The following OSTF1 variants were observed in gnomAD, a reference collection of about 807,000 sequenced individuals.
OSTF1 encodes osteoclast-stimulating factor 1.
OSTF1 carries 27 observed loss-of-function variants against 37.2 expected under a neutral mutation model. The observed-to-expected ratio is 0.73, with a 90% CI of 0.54 to 1.00. The LOEUF is 1.00. Among genes scored for constraint, OSTF1 ranks in the 50% least tolerant of loss-of-function variants. The pLI, the probability that OSTF1 is intolerant of heterozygous loss-of-function variation, is 0.00. For synonymous variants in OSTF1, 82 were observed against 89.2 expected (o/e 0.92, Z 0.46); for missense variants, 232 against 253.8 (o/e 0.91, Z 0.58).
chr9:75,136,623 T>C (rs1825847736), intron 7 of OSTF1, among the ~76,000 whole-genome samples: 2 of 152,076 alleles, frequency 1.3e-5, no homozygotes. Flanking sequence ...AACTCCTGAC[T>C]TCAGGTGATC....
intron 8 of OSTF1, among the ~76,000 whole-genome samples, chr9:75,138,558 A>G (rs1276389909): frequency 6.6e-6 from 1 of 152,226 alleles, no homozygotes; most frequent in East Asian, 1.9e-4. Context: ...GTAAAACATC[A>G]CAGTAATTTT....
rs999235494 is a variant in OSTF1, at chr9:75,131,572, A to G, written c.197-198A>G. Among the ~76,000 whole-genome samples, 2 of 152,300 alleles carry G rather than the reference A, an allele frequency of 1.3e-5. 1 individual carries two copies. The highest frequency in any genetic ancestry group is 6.8e-3 in the Middle Eastern group (2 of 294). ...CCTTATTGCTTGGCTTGGTTTCCCT[A>G]AACACATAATTCAGCTTCATTTAAT... On this transcript the variant is annotated intron_variant, in intron 4 of 9. Transcript: ENST00000346234.
In OSTF1 at chr9:75,137,661, A is replaced by C. The variant is rs373777903; in HGVS notation, c.487+45A>C. 1.8e-4 allele frequency: 212 copies of C among 1,183,010 alleles called. No homozygotes were observed. In the African/African-American group the frequency reaches 2.1e-3, roughly 11 times the overall value. The allele number at this position is 1,183,010 out of a possible 1,614,324, so 73.3% of individuals were successfully genotyped here. On this transcript the variant is annotated intron_variant, in intron 8 of 9. Transcript: ENST00000346234. ...TATCTGGTCTTTGCTTGCCCTGAAA[A>C]ATAGTCTATATCAACTTACGCCATT...
intron 9 of OSTF1, among the ~76,000 whole-genome samples, chr9:75,144,664 T>C (rs1825993224): frequency 6.6e-6 from 1 of 151,110 alleles, no homozygotes; most frequent in Non-Finnish European, 1.5e-5. Flanking sequence ...TCAATAATCA[T>C]TTTCCAAAAC....
intron 1 of OSTF1, among the ~76,000 whole-genome samples, chr9:75,112,762 G>C (rs770124425): frequency 6.6e-6 from 1 of 152,124 alleles, no homozygotes; most frequent in African/African-American, 2.4e-5. Flanking sequence ...CATTTAGTTC[G>C]CATGGGATCT....
chr9:75,105,783 G>T (rs1825273619), intron 1 of OSTF1, among the ~76,000 whole-genome samples: 1 of 152,150 alleles, frequency 6.6e-6, no homozygotes, highest in Non-Finnish European at 1.5e-5. Flanking sequence ...ACCCAGTGAA[G>T]ACAGTTGGCA....
chr9:75,133,788 CTA>C, intron 6 of OSTF1, among the ~76,000 whole-genome samples: 1 of 152,308 alleles, frequency 6.6e-6, no homozygotes, highest in African/African-American at 2.4e-5. Context: ...TTAATGCAAA[CTA>C]TTAGATTCAA....
chr9:75,146,612 A>T, intron 9 of OSTF1, 71 bp from the exon 10 acceptor site: 1 of 1,036,648 alleles, frequency 9.6e-7, no homozygotes, highest in Non-Finnish European at 1.5e-6. Flanking sequence ...AAGAGCTTTG[A>T]AAATGAAAAA....
chr9:75,121,491 GACC>G (rs1461571815), intron 2 of OSTF1, among the ~76,000 whole-genome samples: 2 of 152,022 alleles, frequency 1.3e-5, no homozygotes, highest in Non-Finnish European at 2.9e-5. Flanking sequence ...AGTCAGTAAT[GACC>G]ACTTCAAGCC....
intron 1 of OSTF1, among the ~76,000 whole-genome samples, chr9:75,114,040 A>T (rs76819615): frequency 0.037 from 5,659 of 152,172 alleles, 140 homozygotes; most frequent in African/African-American, 0.068. Flanking sequence ...GAAATCATGC[A>T]GTTTTTGTCT....
intron 1 of OSTF1, among the ~76,000 whole-genome samples, chr9:75,101,310 C>G (rs530874686): frequency 7.9e-5 from 12 of 152,282 alleles, no homozygotes; most frequent in Admixed American, 5.2e-4. Flanking sequence ...GAATGTGGCT[C>G]TTAGGAACAC....
At chr9:75,091,118 C>T (rs1302129733) in intron 1 of OSTF1, among the ~76,000 whole-genome samples, 1 of 138,726 alleles carries the variant, frequency 7.2e-6, no homozygotes, top group Admixed American at 7.7e-5. Context: ...CAGACTCTCG[C>T]TCTGTTGCCC....
intron 8 of OSTF1, among the ~76,000 whole-genome samples, chr9:75,140,175 T>A (rs1479255119): frequency 1.3e-5 from 2 of 152,234 alleles, no homozygotes; most frequent in Admixed American, 1.3e-4. Flanking sequence ...AATGCACTGA[T>A]GCAAATAAGG....
chr9:75,145,409 T>C (rs1436435184), intron 9 of OSTF1, among the ~76,000 whole-genome samples: 1 of 152,198 alleles, frequency 6.6e-6, no homozygotes, highest in Non-Finnish European at 1.5e-5. Context: ...TTGTGTTCTT[T>C]TATCAGGGGC....
rs778429270 is a variant in OSTF1, at chr9:75,146,670, CTCTT to C, written c.587-6_587-3del. 1.3e-6 allele frequency: 2 copies of C among 1,599,706 alleles called. No homozygotes were observed. Among genetic ancestry groups the C allele is most frequent in the South Asian group, 1.1e-5 (1 of 89,434 alleles). On this transcript the variant is annotated splice_polypyrimidine_tract_variant and intron_variant, in intron 9 of 9. Transcript: ENST00000346234. ...TTTCCCTATTTTGCTTTTTTCCCTCCTCTTTCTTTCAGATGCAGTTCGAACATTA... is the reference window on the plus strand; with the variant it reads ...TTTCCCTATTTTGCTTTTTTCCCTCCTCTTTCAGATGCAGTTCGAACATTA...
Position 75,142,285 on chromosome 9 carries a change from A to G in OSTF1, c.586+1353A>G, listed in dbSNP as rs151014123. On this transcript the variant is annotated intron_variant, in intron 9 of 9. Transcript: ENST00000346234. ...GTGCTCCCCAGCTACATTATGATTG[A>G]GAAGCCATATTTGCAATAGTGTGAG... 9.2e-5 allele frequency among the ~76,000 whole-genome samples: 14 copies of G among 152,242 alleles called. No homozygotes were observed. In the East Asian group the frequency reaches 2.7e-3, roughly 29 times the overall value.
At chr9:75,137,705 A>G (rs1825865475) in intron 8 of OSTF1, 89 bp downstream of exon 8, 2 of 810,350 alleles carry the variant, frequency 2.5e-6, no homozygotes, top group African/African-American at 3.4e-5. Context: ...TAGGAAGAAT[A>G]ATAGTCTTAT....
At chr9:75,096,958 A>T (rs901928869) in intron 1 of OSTF1, among the ~76,000 whole-genome samples, 1 of 152,152 alleles carries the variant, frequency 6.6e-6, no homozygotes, top group African/African-American at 2.4e-5. Context: ...TCTGGCTAGC[A>T]CGTATTATTT....
At chr9:75,138,013 A>G (rs1825870239) in intron 8 of OSTF1, among the ~76,000 whole-genome samples, 1 of 152,236 alleles carries the variant, frequency 6.6e-6, no homozygotes, top group South Asian at 2.1e-4. Flanking sequence ...CAGATAAGCA[A>G]GAATGATGCG....
Sources: allele counts gnomAD v4.1 joint callset (sites outside exome capture counted in the v4.1 genomes callset), GRCh38; gene constraint gnomAD v4.1.1; transcripts MANE v1.5; gene names NCBI Gene and HGNC (gene_info 2026-07-23, HGNC 2026-07-21).